The following RBFOX1 variants were observed in gnomAD, a reference collection of about 807,000 sequenced individuals.
RBFOX1 encodes RNA binding fox-1 homolog 1.
A neutral mutation model predicts 57.7 loss-of-function variants in RBFOX1; 8 were observed. The ratio of observed to expected loss-of-function variants is 0.14; its 90% CI spans 0.08 to 0.25. The LOEUF (loss-of-function observed/expected upper bound fraction) is 0.25. Ranked by LOEUF, RBFOX1 falls within the 10% of genes least tolerant of loss-of-function variation. RBFOX1 has a pLI of 1.00. For synonymous variants in RBFOX1, 326 were observed against 222.4 expected, an observed-to-expected ratio of 1.47 and a Z score of -4.15; for missense variants, 611 against 548.5, an observed-to-expected ratio of 1.11 and a Z score of -1.14.
intron 3 of RBFOX1, among the ~76,000 whole-genome samples, chr16:6,966,769 ATC>A (rs1442060716): frequency 0.033 from 824 of 25,064 alleles, 11 homozygotes; most frequent in African/African-American, 0.084. Flanking sequence ...CTGTCTATCT[ATC>A]TATCTATCTA....
intron 3 of RBFOX1, among the ~76,000 whole-genome samples, chr16:6,823,949 A>G (rs962582319): frequency 4.4e-4 from 67 of 152,194 alleles, no homozygotes; most frequent in African/African-American, 1.5e-3. Flanking sequence ...GTGTCCTGGA[A>G]GAGGTGGCAT....
intron 3 of RBFOX1, among the ~76,000 whole-genome samples, chr16:5,849,429 C>G (rs1019822033): frequency 3.9e-5 from 6 of 152,070 alleles, no homozygotes; most frequent in Admixed American, 1.3e-4. Flanking sequence ...GATGCATTTG[C>G]TACAATCCTC....
intron 4 of RBFOX1, among the ~76,000 whole-genome samples, chr16:7,510,487 CTGTGTG>C (rs59583874): frequency 3.8e-4 from 57 of 149,664 alleles, no homozygotes; most frequent in African/African-American, 1.2e-3. Flanking sequence ...GTATGTGTGT[CTGTGTG>C]TGTGTGTGTG....
At chr16:6,371,682 G>A (rs1019487568) in intron 2 of RBFOX1, among the ~76,000 whole-genome samples, 1 of 152,090 alleles carries the variant, frequency 6.6e-6, no homozygotes, top group Non-Finnish European at 1.5e-5. Context: ...TAGAAACAAA[G>A]TTCTGGGCGA....
intron 3 of RBFOX1, among the ~76,000 whole-genome samples, chr16:5,710,697 C>G (rs552803535): frequency 9.2e-5 from 14 of 152,318 alleles, no homozygotes; most frequent in African/African-American, 3.4e-4. Context: ...CTGACATTGT[C>G]TCAGACATGA....
chr16:6,549,032 G>C (rs909615248), intron 2 of RBFOX1, among the ~76,000 whole-genome samples: 1 of 147,944 alleles, frequency 6.8e-6, no homozygotes, highest in African/African-American at 2.5e-5. Context: ...CTGAGATCAT[G>C]CCACTGCACT....
intron 5 of RBFOX1, among the ~76,000 whole-genome samples, chr16:7,539,166 G>C (rs1247415112): frequency 6.6e-6 from 1 of 152,134 alleles, no homozygotes; most frequent in Non-Finnish European, 1.5e-5. Flanking sequence ...ATGTGAAACC[G>C]TCTTGAGTCC....
chr16:6,197,166 A>G (rs557006423), intron 1 of RBFOX1, among the ~76,000 whole-genome samples: 4 of 152,278 alleles, frequency 2.6e-5, no homozygotes, highest in South Asian at 2.1e-4. Flanking sequence ...GAGGCTGTGG[A>G]TACTATGCAT....
chr16:7,617,794 G>A (rs765336977), intron 10 of RBFOX1, among the ~76,000 whole-genome samples: 22 of 152,204 alleles, frequency 1.4e-4, no homozygotes, highest in African/African-American at 4.3e-4. Context: ...CTGTCAATGC[G>A]GGTATAGTAC....
At chr16:6,033,955 C>G (rs1363179292) in intron 1 of RBFOX1, among the ~76,000 whole-genome samples, 1 of 152,152 alleles carries the variant, frequency 6.6e-6, no homozygotes, top group Non-Finnish European at 1.5e-5. Flanking sequence ...ACCGTGATGA[C>G]TGTCATGAAT....
At chr16:6,678,776 G>T (rs577977854) in intron 3 of RBFOX1, among the ~76,000 whole-genome samples, 1 of 152,210 alleles carries the variant, frequency 6.6e-6, no homozygotes, top group South Asian at 2.1e-4. Flanking sequence ...TTGAAGCTTT[G>T]AAAGTTAATC....
rs1324970201 is a variant in RBFOX1, at chr16:6,355,134, C to CT, written c.-64+38084dup. On this transcript the variant is annotated intron_variant, in intron 2 of 15. Coordinates refer to ENST00000550418, the MANE Select transcript of RBFOX1 (RefSeq NM_018723.4). ...TGATTACAGATATATATTCTGTATT[C>CT]TTTTTTTATTATTAGTATACTTTAA... Among the ~76,000 whole-genome samples the CT allele has an allele frequency of 4.6e-5, 7 of 152,220 alleles. No individual in the cohort carries two copies. In the East Asian group the frequency reaches 9.7e-4, roughly 21 times the overall value.
intron 4 of RBFOX1, among the ~76,000 whole-genome samples, chr16:7,118,920 T>C (rs1331665118): frequency 6.6e-6 from 1 of 152,156 alleles, no homozygotes; most frequent in African/African-American, 2.4e-5. Context: ...TATGATATGA[T>C]TTTTAGGAAC....
chr16:5,682,839 A>C (rs976666856), intron 3 of RBFOX1, among the ~76,000 whole-genome samples: 1 of 152,158 alleles, frequency 6.6e-6, no homozygotes, highest in Admixed American at 6.5e-5. Context: ...ATGTATTGCT[A>C]CTTTCTCTTT....
chr16:7,467,121 A>C (rs548306518), intron 4 of RBFOX1, among the ~76,000 whole-genome samples: 1 of 152,346 alleles, frequency 6.6e-6, no homozygotes, highest in African/African-American at 2.4e-5. Flanking sequence ...TAACACAAGC[A>C]TCTAACAGAG....
At chr16:5,544,951 C>CTTTTTTTTTTTTTTTTTTTT (rs59873374) in intron 2 of RBFOX1, among the ~76,000 whole-genome samples, 14 of 124,406 alleles carry the variant, frequency 1.1e-4, no homozygotes, top group African/African-American at 1.4e-4. Context: ...CTATTACATT[C>CTTTTTTTTTTTTTTTTTTTT]TTTTTTTTTT....
In RBFOX1 at chr16:6,660,160, G is replaced by A. The variant is rs560839292; in HGVS notation, c.-16+5510G>A. Reference sequence around the variant, plus strand: ...AATTGCTTGAACCTGGGAGGCAGAGGTTGCAGTGAGCTGAGATCTCGCCAT... The same window carrying A: ...AATTGCTTGAACCTGGGAGGCAGAGATTGCAGTGAGCTGAGATCTCGCCAT... On this transcript the variant is annotated intron_variant, in intron 3 of 15. Transcript: ENST00000550418. 2.6e-5 allele frequency among the ~76,000 whole-genome samples: 4 copies of A among 151,768 alleles called. No homozygotes were observed. In the South Asian group the frequency reaches 6.3e-4, roughly 24 times the overall value.
chr16:6,537,500 C>G (rs1280988319), intron 2 of RBFOX1, among the ~76,000 whole-genome samples: 2 of 152,148 alleles, frequency 1.3e-5, no homozygotes, highest in East Asian at 1.9e-4. Flanking sequence ...GGGCTATAAG[C>G]TTACAGATGT....
intron 3 of RBFOX1, among the ~76,000 whole-genome samples, chr16:5,809,518 T>C (rs1262898614): frequency 6.6e-6 from 1 of 152,026 alleles, no homozygotes; most frequent in Admixed American, 6.6e-5. Flanking sequence ...ACGAAGGACA[T>C]GAACAGACAC....
Sources: gnomAD v4.1 joint callset for allele counts (sites outside exome capture counted in the v4.1 genomes callset) on GRCh38, gnomAD v4.1.1 for gene constraint, MANE v1.5 for transcripts, NCBI Gene and HGNC (gene_info 2026-07-23, HGNC 2026-07-21) for gene names.